Variants in LINGO2 observed in about 807,000 individuals in gnomAD.
LINGO2 encodes leucine rich repeat and Ig domain containing 2.
Under a neutral mutation model 30.6 loss-of-function variants are expected in LINGO2, and 14 were observed. The ratio of observed to expected loss-of-function variants is 0.46; its 90% confidence interval spans 0.30 to 0.72. LINGO2 has a LOEUF of 0.72. Among genes scored for constraint, LINGO2 ranks in the 30% least tolerant of loss-of-function variants. LINGO2 has a pLI of 0.07. For synonymous variants in LINGO2, 317 were observed against 288.5 expected (o/e 1.10, Z -1.00); for missense variants, 729 against 751.7 (o/e 0.97, Z 0.35).
At chr9:28,556,424 G>A (rs145909055) in intron 1 of LINGO2, among the ~76,000 whole-genome samples, 185 of 152,040 alleles carry the variant, frequency 1.2e-3, no homozygotes, top group African/African-American at 4.3e-3. Context: ...AAATACCTAG[G>A]AATCCAACTT....
At chr9:28,541,361 G>A (rs1271009841) in intron 1 of LINGO2, among the ~76,000 whole-genome samples, 1 of 152,206 alleles carries the variant, frequency 6.6e-6, no homozygotes, top group African/African-American at 2.4e-5. Context: ...TCTATCATAG[G>A]TTTATTTGCT....
At chr9:28,854,469 G>A in the LINGO2 span, among the ~76,000 whole-genome samples, 1 of 151,934 alleles carries the variant, frequency 6.6e-6, no homozygotes, top group East Asian at 1.9e-4. Context: ...AGGGCTATTT[G>A]TAGATGAGCT....
chr9:28,741,210 G>A, the LINGO2 span, among the ~76,000 whole-genome samples: 124 of 152,098 alleles, frequency 8.2e-4, 1 homozygote, highest in Middle Eastern at 0.01. Context: ...GGCAGCCACA[G>A]GGACTGGCCT....
At chr9:28,473,205 GTTT>G (rs11327044) in intron 2 of LINGO2, among the ~76,000 whole-genome samples, 34 of 150,608 alleles carry the variant, frequency 2.3e-4, no homozygotes, top group African/African-American at 8.3e-4. Context: ...CTGATAACTT[GTTT>G]TTTTTTTCAG....
chr9:28,790,112 A>T, the LINGO2 span, among the ~76,000 whole-genome samples: 2 of 152,146 alleles, frequency 1.3e-5, no homozygotes. Flanking sequence ...TCTAAGTAGC[A>T]TAATGAAATC....
chr9:28,124,495 A>C (rs941019786), intron 4 of LINGO2, among the ~76,000 whole-genome samples: 1 of 152,148 alleles, frequency 6.6e-6, no homozygotes, highest in African/African-American at 2.4e-5. Context: ...CCATCTGTAC[A>C]CTCCTATTAA....
chr9:29,041,694 T>C, the LINGO2 span, among the ~76,000 whole-genome samples: 2 of 152,058 alleles, frequency 1.3e-5, no homozygotes, highest in Non-Finnish European at 2.9e-5. Context: ...CTAAAAGCTA[T>C]ACATGTTTTA....
At chr9:28,031,917 T>C (rs1040020561) in intron 4 of LINGO2, among the ~76,000 whole-genome samples, 1 of 152,126 alleles carries the variant, frequency 6.6e-6, no homozygotes, top group Admixed American at 6.5e-5. Flanking sequence ...CAATCTGGTG[T>C]ATTATTGTGA....
At chr9:28,868,873 T>C in the LINGO2 span, among the ~76,000 whole-genome samples, 1 of 152,074 alleles carries the variant, frequency 6.6e-6, no homozygotes, top group Non-Finnish European at 1.5e-5. Context: ...AATATATTAT[T>C]TAAGCCCCCA....
chr9:28,575,335 G>T lies in LINGO2; in HGVS notation c.-365+94865C>A, dbSNP rs79563294. On this transcript the variant is annotated intron_variant, in intron 1 of 5. Transcript: ENST00000379992. Reference sequence around the variant, plus strand: ...AATTGCTTGAACCTCGGCGGCAGAGGTTGCAGTGAGCCAAGATTGTGCCAC... The same window carrying T: ...AATTGCTTGAACCTCGGCGGCAGAGTTTGCAGTGAGCCAAGATTGTGCCAC... Among the ~76,000 whole-genome samples the T allele has an allele frequency of 9.7e-3, 1,457 of 150,570 alleles. 24 individuals are homozygous for T. The highest frequency in any genetic ancestry group is 0.031 in the African/African-American group (1,288 of 41,122).
chr9:28,003,368 TAGATAGATAGATAG>T (rs1484855261), intron 5 of LINGO2, among the ~76,000 whole-genome samples: 2 of 146,148 alleles, frequency 1.4e-5, no homozygotes, highest in African/African-American at 2.6e-5. Flanking sequence ...GATAGATAGA[TAGATAGATAGATAG>T]ATATAGAGAG....
the LINGO2 span, among the ~76,000 whole-genome samples, chr9:28,940,148 G>A: frequency 3.3e-5 from 5 of 152,140 alleles, no homozygotes; most frequent in East Asian, 5.8e-4. Context: ...ACATGTTGCT[G>A]GGCAGTGACA....
chr9:28,422,918 T>C (rs1823261593), intron 2 of LINGO2, among the ~76,000 whole-genome samples: 4 of 151,998 alleles, frequency 2.6e-5, no homozygotes, highest in Admixed American at 2.6e-4. Flanking sequence ...TAAAATAAGC[T>C]AGTCACAAAA....
the LINGO2 span, among the ~76,000 whole-genome samples, chr9:28,996,338 CAGT>C: frequency 1.3e-5 from 2 of 152,058 alleles, no homozygotes; most frequent in South Asian, 4.1e-4. Flanking sequence ...CTATGTTAAA[CAGT>C]AGAGAATGTT....
chr9:28,260,368 T>C (rs1165225593), intron 4 of LINGO2, among the ~76,000 whole-genome samples: 1 of 151,860 alleles, frequency 6.6e-6, no homozygotes, highest in Non-Finnish European at 1.5e-5. Flanking sequence ...CCAAACTCTA[T>C]TCTGATGTGT....
At chr9:29,030,263 T>C in the LINGO2 span, among the ~76,000 whole-genome samples, 2 of 146,246 alleles carry the variant, frequency 1.4e-5, no homozygotes, top group Non-Finnish European at 3.0e-5. Flanking sequence ...CAAAAATGCC[T>C]CTCCACTGAA....
the LINGO2 span, among the ~76,000 whole-genome samples, chr9:28,710,365 T>G: frequency 6.6e-6 from 1 of 152,042 alleles, no homozygotes; most frequent in Non-Finnish European, 1.5e-5. Flanking sequence ...AGCTAGCAAG[T>G]TTATGGTATT....
intron 1 of LINGO2, among the ~76,000 whole-genome samples, chr9:28,541,914 A>G (rs1334356843): frequency 1.3e-5 from 2 of 152,096 alleles, no homozygotes; most frequent in Admixed American, 6.6e-5. Context: ...AGGCATGGAG[A>G]GCTGAGACAG....
chr9:29,144,468 T>A, the LINGO2 span, among the ~76,000 whole-genome samples: 1 of 151,254 alleles, frequency 6.6e-6, no homozygotes, highest in Admixed American at 6.6e-5. Context: ...GAAAAAAAAA[T>A]ATACTGGAAG....
Sources: allele counts gnomAD v4.1 joint callset (sites outside exome capture counted in the v4.1 genomes callset), GRCh38; gene constraint gnomAD v4.1.1; transcripts MANE v1.5; gene names NCBI Gene and HGNC (gene_info 2026-07-23, HGNC 2026-07-21).